The following CELSR1 variants were observed in gnomAD, a reference collection of about 807,000 sequenced individuals.
CELSR1 encodes the protein cadherin EGF LAG seven-pass G-type receptor 1, also known as adhesion G protein-coupled receptor C1.
In CELSR1, 110 loss-of-function variants were observed where a neutral mutation model predicts 249.1. That is an observed-to-expected ratio of 0.44 (90% CI 0.38 to 0.52). The LOEUF (loss-of-function observed/expected upper bound fraction) is 0.52, where lower values mean the gene tolerates loss of function less well. CELSR1 is among the 20% of genes least tolerant of loss of function. The probability of loss-of-function intolerance (pLI) is 0.00; values close to 1 mark genes in which losing one functional copy is unlikely to be tolerated. For missense variants in CELSR1, 4,109 were observed against 4,296.4 expected (o/e 0.96, Z 1.22); for synonymous variants, 2,113 against 1,900.0 (o/e 1.11, Z -2.92).
intron 32 of CELSR1, among the ~76,000 whole-genome samples, chr22:46,364,986 C>G (rs2078750995): frequency 6.6e-6 from 1 of 152,226 alleles, no homozygotes; most frequent in Admixed American, 6.5e-5. Context: ...TCACCTGGAC[C>G]TTGCGGTGAC....
At position 46,428,108 on chromosome 22, in the gene CELSR1, C is replaced by T. The variant is rs925806818; in HGVS notation, c.4611+5285G>A. On this transcript the variant is annotated intron_variant, in intron 5 of 34. Transcript: ENST00000674500. This position sits in a 1 kb window ranked among gnomAD's most constrained non-coding sequence, Gnocchi z 5.7. ...TCTCAAGGTCATGGAAATCTCAAAG[C>T]ACTTACATCCTCTGCTCAACAGAAG... Among the ~76,000 whole-genome samples the T allele has an allele frequency of 6.6e-6, 1 of 152,208 alleles. No individual in the cohort carries two copies. Among genetic ancestry groups the T allele is most frequent in the African/African-American group, 2.4e-5 (1 of 41,458 alleles).
intron 2 of CELSR1, among the ~76,000 whole-genome samples, chr22:46,442,017 ACACAACTGTAAT>A (rs544151186): frequency 1.2e-3 from 184 of 152,192 alleles, no homozygotes; most frequent in African/African-American, 4.2e-3. Flanking sequence ...GTGTGGTGGC[ACACAACTGTAAT>A]CCCATCTACT....
Position 46,448,687 on chromosome 22 carries a change from G to A in CELSR1, c.4184-9276C>T. The A allele has an allele frequency of 3.0e-6, 1 of 329,430 alleles. No homozygotes were observed. Among genetic ancestry groups the A allele is most frequent in the South Asian group, 2.4e-5 (1 of 40,888 alleles). 20.4% of individuals were successfully genotyped at this position (329,430 alleles called of 1,614,324 possible). A position where few individuals can be genotyped will look rare whatever the true frequency, so the allele number is the denominator to read the frequency against. On this transcript the variant is annotated intron_variant, in intron 2 of 34. Coordinates refer to ENST00000674500, the MANE Select transcript of CELSR1 (RefSeq NM_001378328.1). The surrounding 1 kb of genome is among the most constrained non-coding windows in gnomAD (Gnocchi z 5.7). ...GATCAAAATGAAACACAAGAACAGAGAACAAGGAGTGAGTGGAAGGGCCCG... is the reference window on the plus strand; with the variant it reads ...GATCAAAATGAAACACAAGAACAGAAAACAAGGAGTGAGTGGAAGGGCCCG...
In CELSR1 at chr22:46,393,359, G is replaced by A. The variant is rs192987591; in HGVS notation, c.5964+783C>T. Among the ~76,000 whole-genome samples, 67 of 152,344 alleles carry A rather than the reference G, an allele frequency of 4.4e-4. No individual in the cohort carries two copies. Among genetic ancestry groups the A allele is most frequent in the African/African-American group, 1.5e-3 (62 of 41,588 alleles). On this transcript the variant is annotated intron_variant, in intron 14 of 34. Coordinates refer to ENST00000674500, the MANE Select transcript of CELSR1 (RefSeq NM_001378328.1). The surrounding 1 kb of genome is among the most constrained non-coding windows in gnomAD (Gnocchi z 4.1). ...TGCTGCATGCAGGTTAGGACTGACC[G>A]CCCTGGACAGGCGTGGGGCATAACG...
In CELSR1 at chr22:46,427,710, G is replaced by C. The variant is rs2079551523; in HGVS notation, c.4611+5683C>G. ...TTAAATACCTTCCAAGTTCGTTTCT[G>C]TAAGTTGGATTCTGTGCGTGTAATT... On this transcript the variant is annotated intron_variant, in intron 5 of 34. Transcript: ENST00000674500. The surrounding 1 kb of genome is among the most constrained non-coding windows in gnomAD (Gnocchi z 4.2). Among the ~76,000 whole-genome samples the C allele has an allele frequency of 6.6e-6, 1 of 152,174 alleles. No individual in the cohort carries two copies. Among genetic ancestry groups the C allele is most frequent in the African/African-American group, 2.4e-5 (1 of 41,430 alleles).
rs543230708 is a variant in CELSR1 at position 46,393,524 on chromosome 22, G to C, written c.5964+618C>G. Among the ~76,000 whole-genome samples, 419 of 152,238 alleles carry C rather than the reference G, an allele frequency of 2.8e-3. 1 individual carries two copies. Among genetic ancestry groups the C allele is most frequent in the Non-Finnish European group, 5.2e-3 (352 of 68,006 alleles). On this transcript the variant is annotated intron_variant, in intron 14 of 34. Transcript: ENST00000674500. The surrounding 1 kb of genome is among the most constrained non-coding windows in gnomAD (Gnocchi z 4.1). Reference sequence around the variant, plus strand: ...AGGCTGAGGCGGGCGGATCACCTGAGGTCAGGAGTTCAAGACCAGCCTGGC... The same window carrying C: ...AGGCTGAGGCGGGCGGATCACCTGACGTCAGGAGTTCAAGACCAGCCTGGC...
intron 1 of CELSR1, among the ~76,000 whole-genome samples, chr22:46,493,373 C>T (rs1348078652): frequency 6.6e-6 from 1 of 151,932 alleles, no homozygotes; most frequent in Non-Finnish European, 1.5e-5. Context: ...TGGTGAAAAC[C>T]CATCTCTACT....
intron 1 of CELSR1, among the ~76,000 whole-genome samples, chr22:46,498,580 T>C (rs981057405): frequency 7.2e-4 from 106 of 148,098 alleles, no homozygotes; most frequent in African/African-American, 2.6e-3. Context: ...CCCACTCCAC[T>C]GTACCCTGGG....
intron 1 of CELSR1, among the ~76,000 whole-genome samples, chr22:46,511,316 GC>G (rs1252627530): frequency 6.6e-6 from 1 of 152,080 alleles, no homozygotes; most frequent in Non-Finnish European, 1.5e-5. Flanking sequence ...CAAAGCAGGT[GC>G]CCCCGGCTCT....
rs371706515 is a variant in CELSR1, at chr22:46,366,953, G to A, written c.8205+40C>T. The stretch of plus-strand genomic sequence containing the variant: ...ACCCTCCCCCGCCCCTCGAGATGCC[G>A]CCCAGCCCCCAGTCCCGCGGTGTCC... On this transcript the variant is annotated intron_variant, in intron 29 of 34. Transcript: ENST00000674500. 2.7e-4 allele frequency: 417 copies of A among 1,569,846 alleles called. 1 individual carries two copies. The highest frequency in any genetic ancestry group is 6.9e-4 in the Middle Eastern group (3 of 4,348).
chr22:46,373,427 G>A (rs2078878155), intron 24 of CELSR1, among the ~76,000 whole-genome samples: 1 of 141,772 alleles, frequency 7.1e-6, no homozygotes, highest in South Asian at 2.5e-4. Flanking sequence ...GGGGCGGGGG[G>A]GCAGCTTCAC....
At position 46,533,829 on chromosome 22, in the gene CELSR1, G is replaced by T; in HGVS notation, c.3342C>A (p.Asn1114Lys). 1 of 1,613,914 alleles carries T rather than the reference G, an allele frequency of 6.2e-7. No individual in the cohort carries two copies. The highest frequency in any genetic ancestry group is 8.5e-7 in the Non-Finnish European group (1 of 1,180,022). ...CGCCGGTGGGGAAACTGTTGGACTT[G>T]TTGGTGACATAGTTGTTGAAGAGGA... Reference protein sequence around the residue: ...FQILFNNYVTNKSNSFPTGVI... With the variant: ...FQILFNNYVTKKSNSFPTGVI... Residue 1114 changes from asparagine to lysine, a missense_variant, in exon 1 of 35, where the codon AAC (asparagine) becomes AAA (lysine). Physicochemically the swap from Asn to Lys is moderately conservative, Grantham distance 94. Transcript: ENST00000674500.
intron 1 of CELSR1, among the ~76,000 whole-genome samples, chr22:46,510,101 C>A (rs2080557887): frequency 6.6e-6 from 1 of 152,246 alleles, no homozygotes; most frequent in South Asian, 2.1e-4. Flanking sequence ...TAGCTCCTAA[C>A]CCTCTGCATC....
In CELSR1 at chr22:46,402,238, C is replaced by T. The variant is rs983873066; in HGVS notation, c.5227-2336G>A. On this transcript the variant is annotated intron_variant, in intron 9 of 34. Coordinates refer to ENST00000674500, the MANE Select transcript of CELSR1 (RefSeq NM_001378328.1). The surrounding 1 kb of genome is among the most constrained non-coding windows in gnomAD (Gnocchi z 5.0). ...CTTTTTCTTTTTTTTTTTTTTGAGA[C>T]AGAGTTTCACTCTTGTTGCCCAGGC... 6.1e-4 allele frequency among the ~76,000 whole-genome samples: 91 copies of T among 148,318 alleles called. No homozygotes were observed. The highest frequency in any genetic ancestry group is 2.2e-3 in the African/African-American group (89 of 40,160).
In CELSR1 at chr22:46,380,882, T is replaced by C. The variant is rs372054574; in HGVS notation, c.7162A>G (p.Arg2388Gly). Residue 2388 changes from arginine to glycine, a missense_variant, in exon 22 of 35, where the codon AGA (arginine) becomes GGA (glycine). By Grantham distance (125) the Arg-to-Gly change is moderately radical. Transcript: ENST00000674500. The surrounding 1 kb of genome is among the most constrained non-coding windows in gnomAD (Gnocchi z 5.1). ...ACCAGGACGGGCCTCTCCAGGGGTCTCGGGAGCGGAGCCCCCTCGCTGTAC... is the reference window on the plus strand; with the variant it reads ...ACCAGGACGGGCCTCTCCAGGGGTCCCGGGAGCGGAGCCCCCTCGCTGTAC... The part of the protein sequence containing the change: ...LVYSEGAPLP[R>G]PLERPVLVEF... The C allele has an allele frequency of 6.2e-7, 1 of 1,613,224 alleles. No individual in the cohort carries two copies. Among genetic ancestry groups the C allele is most frequent in the African/African-American group, 1.3e-5 (1 of 75,020 alleles).
intron 17 of CELSR1, among the ~76,000 whole-genome samples, chr22:46,389,826 C>T (rs2079070162): frequency 6.6e-6 from 1 of 152,066 alleles, no homozygotes; most frequent in East Asian, 1.9e-4. Context: ...TGGTGGTGGG[C>T]ACCTGTAAGT....
rs750414026 is a variant in CELSR1 at position 46,384,599 on chromosome 22, T to C, written c.6827A>G (p.Glu2276Gly). 6.2e-7 allele frequency: 1 copy of C among 1,613,734 alleles called. No individual in the cohort carries two copies. Among genetic ancestry groups the C allele is most frequent in the African/African-American group, 1.3e-5 (1 of 74,984 alleles). ...FDTIHEEFPR[E>G]LESSVSFPAD... ...TGGGAAGGAGACGGAGGACTCCAGC[T>C]CCCTGGGGAACTCTTCATGGATGGT... The change falls in exon 20 of 35, where the codon GAG (glutamate) becomes GGG (glycine). Residue 2276 changes from glutamate to glycine, a missense_variant. Physicochemically the swap from Glu to Gly is moderately conservative, Grantham distance 98 (BLOSUM62 -2). Around this residue, in one of 7 missense-constraint regions of CELSR1, gnomAD observed 1,805 missense variants for 1,831.6 expected, o/e 0.99. Coordinates refer to ENST00000674500, the MANE Select transcript of CELSR1 (RefSeq NM_001378328.1).
rs751255745 is a variant in CELSR1 at position 46,391,587 on chromosome 22, C to A, written c.6148+46G>T. On this transcript the variant is annotated intron_variant, in intron 15 of 34. Transcript: ENST00000674500. The surrounding 1 kb of genome is among the most constrained non-coding windows in gnomAD (Gnocchi z 4.3). ...CACACGTGCACGCCAGTGCAGCAGC[C>A]TGTCCCCGCGCTGTAACCTGCAGGG... 7.9e-6 allele frequency: 12 copies of A among 1,518,814 alleles called. No individual in the cohort carries two copies. In the Admixed American group the frequency reaches 2.4e-4, roughly 31 times the overall value. The allele number at this position is 1,518,814 out of a possible 1,614,324, so 94.1% of individuals were successfully genotyped here.
chr22:46,508,941 C>A (rs1046408616), intron 1 of CELSR1, among the ~76,000 whole-genome samples: 16 of 152,180 alleles, frequency 1.1e-4, no homozygotes, highest in African/African-American at 3.9e-4. Flanking sequence ...ACCCCGAGCT[C>A]CCAGAAGGCT....
Sources: gnomAD v4.1 joint callset for allele counts (sites outside exome capture counted in the v4.1 genomes callset) on GRCh38, gnomAD v4.1.1 for gene constraint, gnomAD v4.1.1 regional missense constraint, Gnocchi (gnomAD v3.1) non-coding constraint, MANE v1.5 for transcripts, NCBI Gene and HGNC (gene_info 2026-07-23, HGNC 2026-07-21) for gene names.